Variants in RBM12B observed in about 807,000 individuals in gnomAD.
The protein encoded by RBM12B is RNA binding motif protein 12B, also known as RNA-binding protein 12B.
A neutral mutation model predicts 34.3 loss-of-function variants in RBM12B; 10 were observed. The observed-to-expected ratio is 0.29, with a 90% CI of 0.18 to 0.49. The LOEUF (loss-of-function observed/expected upper bound fraction) is 0.49, where lower values mean the gene tolerates loss of function less well. Among genes scored for constraint, RBM12B ranks in the 20% least tolerant of loss-of-function variants. The pLI, the probability that RBM12B is intolerant of heterozygous loss-of-function variation, is 0.99. For synonymous variants in RBM12B, 477 were observed against 437.1 expected, an observed-to-expected ratio of 1.09 and a Z score of -1.14; for missense variants, 1,139 against 1,262.7, an observed-to-expected ratio of 0.90 and a Z score of 1.48.
Position 93,735,212 on chromosome 8 carries a change from A to G in RBM12B, c.1199T>C (p.Leu400Pro). ...YSQEGNSGQK[L>P]CIYIRNFPFD... is the part of the protein sequence containing the mutation. ...TGGAAAATTTCTTATATAGATGCAC[A>G]GTTTCTGGCCAGAGTTACCTTCTTG... Residue 400 changes from leucine to proline, a missense_variant, in exon 4 of 4, where the codon CTG (leucine) becomes CCG (proline). Coordinates refer to ENST00000520560, the MANE Select transcript of RBM12B (RefSeq NM_001377960.1). The G allele has an allele frequency of 1.9e-6, 3 of 1,614,116 alleles. No homozygotes were observed. Among genetic ancestry groups the G allele is most frequent in the East Asian group, 2.2e-5 (1 of 44,876 alleles).
At chr8:93,739,867 A>G (rs1812139257) in intron 2 of RBM12B, among the ~76,000 whole-genome samples, 1 of 152,252 alleles carries the variant, frequency 6.6e-6, no homozygotes, top group East Asian at 1.9e-4. Flanking sequence ...AATCACCATT[A>G]TAACTAAACA....
chr8:93,740,411 T>G (rs1563665729), intron 2 of RBM12B: 2 of 457,416 alleles, frequency 4.4e-6, no homozygotes, highest in Non-Finnish European at 8.8e-6. Flanking sequence ...CGCCAGACTT[T>G]CAGCCAAAAT....
intron 2 of RBM12B, among the ~76,000 whole-genome samples, chr8:93,737,574 T>C (rs1400295655): frequency 6.6e-6 from 1 of 152,128 alleles, no homozygotes; most frequent in Non-Finnish European, 1.5e-5. Flanking sequence ...ATAAAAATTA[T>C]TTAAAAATTT....
Position 93,733,569 on chromosome 8 carries a change from A to G in RBM12B, c.2842T>C (p.Tyr948His). The G allele has an allele frequency of 6.2e-7, 1 of 1,613,662 alleles. No homozygotes were observed. Among genetic ancestry groups the G allele is most frequent in the Non-Finnish European group, 8.5e-7 (1 of 1,179,656 alleles). ...VNEILDFFHG[Y>H]RIIPDSVSIQ... is the part of the protein sequence containing the mutation. ...GAAACTGAATCAGGTATGATTCTGT[A>G]ACCATGGAAAAAGTCTAAAATTTCA... The change falls in exon 4 of 4, where the codon TAC becomes CAC. Residue 948 changes from tyrosine to histidine, a missense_variant. Tyr to His is a moderately conservative substitution (Grantham distance 83, BLOSUM62 2). Around this residue, in one of 3 missense-constraint regions of RBM12B, gnomAD observed 60 missense variants for 101.0 expected, o/e 0.59. Coordinates refer to ENST00000520560, the MANE Select transcript of RBM12B (RefSeq NM_001377960.1).
In RBM12B at chr8:93,729,201, G is replaced by A. The variant is rs1479136672; in HGVS notation, c.*4204C>T. The A allele has an allele frequency of 6.6e-6, 1 of 152,072 alleles. No homozygotes were observed. The highest frequency in any genetic ancestry group is 1.5e-5 in the Non-Finnish European group (1 of 67,938). The allele number at this position is 152,072 out of a possible 1,614,324, so 9.4% of individuals were successfully genotyped here. ...TTTATAAAATCATTTGGGATAATTA[G>A]AAAATGCAATTATTCATAACAGAAA... On this transcript the variant is annotated 3_prime_UTR_variant, in exon 4 of 4. Transcript: ENST00000520560.
At position 93,731,020 on chromosome 8, in the gene RBM12B, A is replaced by T. The variant is rs1188186692; in HGVS notation, c.*2385T>A. 1.3e-5 allele frequency: 2 copies of T among 152,188 alleles called. No individual in the cohort carries two copies. Among genetic ancestry groups the T allele is most frequent in the Non-Finnish European group, 2.9e-5 (2 of 68,064 alleles). The allele number at this position is 152,188 out of a possible 1,614,324, so 9.4% of individuals were successfully genotyped here. A position where few individuals can be genotyped will look rare whatever the true frequency, so the allele number is the denominator to read the frequency against. ...TACAAATAATAAAAAATTTAGCCAGACAAGGTGGCACACACCTGTAGTCCC... is the reference window on the plus strand; with the variant it reads ...TACAAATAATAAAAAATTTAGCCAGTCAAGGTGGCACACACCTGTAGTCCC... On this transcript the variant is annotated 3_prime_UTR_variant, in exon 4 of 4. Coordinates refer to ENST00000520560, the MANE Select transcript of RBM12B (RefSeq NM_001377960.1).
Position 93,735,543 on chromosome 8 carries a change from T to G in RBM12B, c.868A>C (p.Asn290His). The G allele has an allele frequency of 3.1e-6, 5 of 1,614,144 alleles. No homozygotes were observed. The highest frequency in any genetic ancestry group is 2.7e-5 in the African/African-American group (2 of 75,054). ...CTTTCGTCAATACTGAGGGACAGAT[T>G]TTTTAAGTGAACATAAAATCCAAGA... ...SPLGFYVHLK[N>H]LSLSIDERDL... Residue 290 changes from asparagine to histidine, a missense_variant, in exon 4 of 4, where the codon AAT (asparagine) becomes CAT (histidine). By Grantham distance (68) the Asn-to-His change is moderately conservative. Transcript: ENST00000520560.
Position 93,728,583 on chromosome 8 carries a change from A to C in RBM12B, c.*4822T>G, listed in dbSNP as rs962101626. On this transcript the variant is annotated 3_prime_UTR_variant, in exon 4 of 4. Coordinates refer to ENST00000520560, the MANE Select transcript of RBM12B (RefSeq NM_001377960.1). ...ATATTAATGTACTATATCTACTTGA[A>C]GTTCCAATAGTACATTATGACAGAA... 4.7e-6 allele frequency: 1 copy of C among 212,856 alleles called. No homozygotes were observed. Among genetic ancestry groups the C allele is most frequent in the Non-Finnish European group, 9.2e-6 (1 of 108,324 alleles). The allele number at this position is 212,856 out of a possible 1,614,324, so 13.2% of individuals were successfully genotyped here. A position where few individuals can be genotyped will look rare whatever the true frequency, so the allele number is the denominator to read the frequency against.
At position 93,733,557 on chromosome 8, in the gene RBM12B, G is replaced by A. The variant is rs1811864985; in HGVS notation, c.2854C>T (p.Pro952Ser). The change falls in exon 4 of 4, where the codon CCT becomes TCT. Residue 952 changes from proline to serine, a missense_variant. Physicochemically the swap from Pro to Ser is moderately conservative, Grantham distance 74. This residue lies in a region of RBM12B where 60 missense variants were observed against 101.0 expected (regional missense o/e 0.59). Transcript: ENST00000520560. Reference protein sequence around the residue: ...LDFFHGYRIIPDSVSIQYNEQ... With the variant: ...LDFFHGYRIISDSVSIQYNEQ... ...TTATACTGTATCGAAACTGAATCAG[G>A]TATGATTCTGTAACCATGGAAAAAG... is the stretch of plus-strand genomic sequence containing the variant. 6.2e-7 allele frequency: 1 copy of A among 1,613,118 alleles called. No individual in the cohort carries two copies. Among genetic ancestry groups the A allele is most frequent in the African/African-American group, 1.3e-5 (1 of 74,874 alleles).
rs377086209 is a variant in RBM12B at position 93,734,216 on chromosome 8, C to T, written c.2195G>A (p.Arg732His). 8.8e-6 allele frequency: 14 copies of T among 1,595,332 alleles called. No homozygotes were observed. In the Admixed American group the frequency reaches 1.0e-4, roughly 12 times the overall value. Reference protein sequence around the residue: ...HFRRPPQEHFRRPPPEHFRRP... With the variant: ...HFRRPPQEHFHRPPPEHFRRP... ...CCGGAAATGCTCTGGGGGTGGCCGA[C>T]GGAAATGCTCCTGAGGTGGCCTCCG... Residue 732 changes from arginine to histidine, a missense_variant, in exon 4 of 4, where the codon CGT (arginine) becomes CAT (histidine). Arg to His is a conservative substitution (Grantham distance 29). Around this residue, in one of 3 missense-constraint regions of RBM12B, gnomAD observed 863 missense variants for 869.5 expected, o/e 0.99. Transcript: ENST00000520560.
In RBM12B at chr8:93,734,901, G is replaced by A. The variant is rs1394321585; in HGVS notation, c.1510C>T (p.Arg504Ter). Residue 504 changes from arginine (R) to a stop codon, truncating the protein, a stop_gained, in exon 4 of 4, where the codon CGA becomes TGA. Coordinates refer to ENST00000520560, the MANE Select transcript of RBM12B (RefSeq NM_001377960.1). LOFTEE classifies it low-confidence loss of function (END_TRUNC). ...KMQARSQSRE[R>*]GDHSHLFDSK... ...TCAAATAAATGGGAATGGTCACCTC[G>A]CTCACGTGACTGTGAGCGAGCTTGC... 5.0e-6 allele frequency: 8 copies of A among 1,613,940 alleles called. No homozygotes were observed. The highest frequency in any genetic ancestry group is 1.1e-5 in the South Asian group (1 of 91,068).
In RBM12B at chr8:93,735,181, A is replaced by G; in HGVS notation, c.1230T>C (p.Asp410=). The G allele has an allele frequency of 6.2e-7, 1 of 1,614,140 alleles. No individual in the cohort carries two copies. Among genetic ancestry groups the G allele is most frequent in the Non-Finnish European group, 8.5e-7 (1 of 1,180,046 alleles). Reference sequence around the variant, plus strand: ...ACTTCTGCACTTCAACTTTTGTAACATCAAATGGAAAATTTCTTATATAGA... The same window carrying G: ...ACTTCTGCACTTCAACTTTTGTAACGTCAAATGGAAAATTTCTTATATAGA... ...LCIYIRNFPF[D]VTKVEVQKFF... is the part of the protein sequence containing the mutation. Residue 410 remains aspartate (D), a synonymous_variant, in exon 4 of 4, where the codon GAT becomes GAC. Transcript: ENST00000520560.
Position 93,736,121 on chromosome 8 carries a change from C to G in RBM12B, c.290G>C (p.Gly97Ala). ...RTDRVGRGRPGSGTSGVDSLS... is the reference protein window; with the variant it reads ...RTDRVGRGRPASGTSGVDSLS... ...GCTGTCAACCCCTGATGTCCCAGAT[C>G]CTGGACGCCCTCTTCCTACACGATC... Residue 97 changes from glycine to alanine, a missense_variant, in exon 4 of 4, where the codon GGA becomes GCA. Around this residue, in one of 3 missense-constraint regions of RBM12B, gnomAD observed 216 missense variants for 292.2 expected, o/e 0.74. Coordinates refer to ENST00000520560, the MANE Select transcript of RBM12B (RefSeq NM_001377960.1). The G allele has an allele frequency of 1.2e-6, 2 of 1,614,192 alleles. No homozygotes were observed. Among genetic ancestry groups the G allele is most frequent in the Non-Finnish European group, 1.7e-6 (2 of 1,180,026 alleles).
In RBM12B at chr8:93,733,303, A is replaced by G. The variant is rs1811854739; in HGVS notation, c.*102T>C. 1.1e-6 allele frequency: 1 copy of G among 886,718 alleles called. No homozygotes were observed. The highest frequency in any genetic ancestry group is 1.6e-6 in the Non-Finnish European group (1 of 637,534). The allele number at this position is 886,718 out of a possible 1,614,324, so 54.9% of individuals were successfully genotyped here. On this transcript the variant is annotated 3_prime_UTR_variant, in exon 4 of 4. Coordinates refer to ENST00000520560, the MANE Select transcript of RBM12B (RefSeq NM_001377960.1). ...TCTATTCACAGGTCAAAAATAAAAT[A>G]TTTCATTAGATAATTTAAAAAAAAA...
rs182999295 is a variant in RBM12B, at chr8:93,729,192, G to A, written c.*4213C>T. 2 of 151,994 alleles carry A rather than the reference G, an allele frequency of 1.3e-5. No individual in the cohort carries two copies. The highest frequency in any genetic ancestry group is 3.9e-4 in the East Asian group (2 of 5,180). The allele number at this position is 151,994 out of a possible 1,614,324, so 9.4% of individuals were successfully genotyped here. ...GTTACGGAATTTATAAAATCATTTG[G>A]GATAATTAGAAAATGCAATTATTCA... is the stretch of plus-strand genomic sequence containing the variant. On this transcript the variant is annotated 3_prime_UTR_variant, in exon 4 of 4. Transcript: ENST00000520560.
Position 93,733,792 on chromosome 8 carries a change from C to T in RBM12B, c.2619G>A (p.Arg873=). ...DNFRPPGEDF[R]SPPDDFRSHR... ...GACTTCTAAAATCATCAGGCGGGCTCCTAAAATCCTCACCAGGAGGTCTAA... is the reference window on the plus strand; with the variant it reads ...GACTTCTAAAATCATCAGGCGGGCTTCTAAAATCCTCACCAGGAGGTCTAA... The change falls in exon 4 of 4, where the codon AGG becomes AGA. Residue 873 remains arginine (R), a synonymous_variant. Transcript: ENST00000520560. 6.2e-7 allele frequency: 1 copy of T among 1,614,152 alleles called. No individual in the cohort carries two copies. Among genetic ancestry groups the T allele is most frequent in the Non-Finnish European group, 8.5e-7 (1 of 1,180,026 alleles).
In RBM12B at chr8:93,735,234, C is replaced by A; in HGVS notation, c.1177G>T (p.Glu393Ter). 1 of 1,614,040 alleles carries A rather than the reference C, an allele frequency of 6.2e-7. No individual in the cohort carries two copies. The highest frequency in any genetic ancestry group is 8.5e-7 in the Non-Finnish European group (1 of 1,180,028). ...PGHVSQKYSQ[E>*]GNSGQKLCIY... The stretch of plus-strand genomic sequence containing the variant: ...CACAGTTTCTGGCCAGAGTTACCTT[C>A]TTGAGAGTATTTTTGTGAAACATGT... Residue 393 changes from glutamate to a stop codon, truncating the protein, a stop_gained, in exon 4 of 4, where the codon GAA (glutamate) becomes TAA (stop). Transcript: ENST00000520560. LOFTEE classifies it low-confidence loss of function (END_TRUNC).
At position 93,735,572 on chromosome 8, in the gene RBM12B, G is replaced by T; in HGVS notation, c.839C>A (p.Ser280Tyr). 1 of 1,614,042 alleles carries T rather than the reference G, an allele frequency of 6.2e-7. No homozygotes were observed. Among genetic ancestry groups the T allele is most frequent in the South Asian group, 1.1e-5 (1 of 91,070 alleles). The change falls in exon 4 of 4, where the codon TCC becomes TAC. Residue 280 changes from serine (S) to tyrosine (Y), a missense_variant. This residue lies in a region of RBM12B where 863 missense variants were observed against 869.5 expected (regional missense o/e 0.99). Coordinates refer to ENST00000520560, the MANE Select transcript of RBM12B (RefSeq NM_001377960.1). ...SKSPRRTRSR[S>Y]PLGFYVHLKN... ...TAAGTGAACATAAAATCCAAGAGGG[G>T]AACGAGAACGTGTTCTTCTGGGAGA... is the stretch of plus-strand genomic sequence containing the variant.
intron 2 of RBM12B, among the ~76,000 whole-genome samples, chr8:93,737,557 T>C (rs989330150): frequency 2.0e-5 from 3 of 152,090 alleles, no homozygotes; most frequent in East Asian, 3.9e-4. Flanking sequence ...AATATCCAAA[T>C]AGACATATAA....
Sources: gnomAD v4.1 joint callset for allele counts (sites outside exome capture counted in the v4.1 genomes callset) on GRCh38, gnomAD v4.1.1 for gene constraint, gnomAD v4.1.1 regional missense constraint, MANE v1.5 for transcripts, NCBI Gene and HGNC (gene_info 2026-07-23, HGNC 2026-07-21) for gene names.